Variants in ADGRL3 observed in about 807,000 individuals in gnomAD.
ADGRL3 encodes the protein calcium-independent alpha-latrotoxin receptor 3.
A neutral mutation model predicts 153.5 loss-of-function variants in ADGRL3; 62 were observed. The observed-to-expected ratio is 0.40, with a 90% confidence interval of 0.33 to 0.50. ADGRL3 has a LOEUF of 0.50. Ranked by LOEUF, ADGRL3 falls within the 20% of genes least tolerant of loss-of-function variation. The probability of loss-of-function intolerance (pLI) is 0.47; values close to 1 mark genes in which losing one functional copy is unlikely to be tolerated. For missense variants in ADGRL3, 1,641 were observed against 1,859.4 expected, an observed-to-expected ratio of 0.88 and a Z score of 2.16; for synonymous variants, 710 against 672.5, an observed-to-expected ratio of 1.06 and a Z score of -0.86.
At chr4:61,848,374 C>T (rs551783183) in intron 9 of ADGRL3, among the ~76,000 whole-genome samples, 13 of 151,448 alleles carry the variant, frequency 8.6e-5, no homozygotes, top group African/African-American at 2.9e-4. Context: ...TGTCTTGTAA[C>T]CCCAAGAAGT....
At chr4:61,324,070 A>G (rs2095418469) in intron 1 of ADGRL3, among the ~76,000 whole-genome samples, 1 of 151,912 alleles carries the variant, frequency 6.6e-6, no homozygotes, top group South Asian at 2.1e-4. Context: ...GTGCAGAGAA[A>G]CTCCAGTTTT....
intron 6 of ADGRL3, among the ~76,000 whole-genome samples, chr4:61,704,664 T>C (rs946453871): frequency 1.3e-5 from 2 of 152,224 alleles, no homozygotes; most frequent in African/African-American, 4.8e-5. Flanking sequence ...CTCTGTATCA[T>C]GACAGGCTTT....
At chr4:61,317,107 A>C (rs2095239598) in intron 1 of ADGRL3, among the ~76,000 whole-genome samples, 1 of 152,208 alleles carries the variant, frequency 6.6e-6, no homozygotes, top group Non-Finnish European at 1.5e-5. Flanking sequence ...AAACTTATGG[A>C]AATAAAAGCA....
At chr4:61,220,844 A>G (rs1322879049) in intron 1 of ADGRL3, among the ~76,000 whole-genome samples, 1 of 152,220 alleles carries the variant, frequency 6.6e-6, no homozygotes, top group Non-Finnish European at 1.5e-5. Context: ...TACTTACAGC[A>G]GCGTCAGATA....
intron 6 of ADGRL3, among the ~76,000 whole-genome samples, chr4:61,707,136 G>A (rs13114757): frequency 0.71 from 107,794 of 152,054 alleles, 39,338 homozygotes; most frequent in East Asian, 0.93. Context: ...GAACACAAGC[G>A]TTTATTAAGT....
chr4:61,291,995 T>C (rs552745158), intron 1 of ADGRL3, among the ~76,000 whole-genome samples: 1 of 151,002 alleles, frequency 6.6e-6, no homozygotes, highest in South Asian at 2.1e-4. Flanking sequence ...TAAAAAGTCA[T>C]GGCATTTTTA....
chr4:61,665,114 T>C (rs2094740026), intron 5 of ADGRL3, among the ~76,000 whole-genome samples: 2 of 152,178 alleles, frequency 1.3e-5, no homozygotes, highest in South Asian at 4.1e-4. Flanking sequence ...ATTCTTACTC[T>C]TTAAATGGCA....
At chr4:61,322,394 A>G (rs2095376550) in intron 1 of ADGRL3, among the ~76,000 whole-genome samples, 1 of 152,208 alleles carries the variant, frequency 6.6e-6, no homozygotes, top group Non-Finnish European at 1.5e-5. Context: ...TGCCTTTCCA[A>G]GAGTCACCTA....
intron 9 of ADGRL3, among the ~76,000 whole-genome samples, chr4:61,864,029 A>G (rs937744589): frequency 6.6e-6 from 1 of 152,210 alleles, no homozygotes; most frequent in Non-Finnish European, 1.5e-5. Flanking sequence ...TATATTTTAC[A>G]TGACAGTAGC....
Position 61,200,559 on chromosome 4 carries a change from C to T in ADGRL3, c.-1446C>T, listed in dbSNP as rs1219841524. On this transcript the variant is annotated 5_prime_UTR_variant, in exon 1 of 27. Coordinates refer to ENST00000683033, the MANE Select transcript of ADGRL3 (RefSeq NM_001387552.1). ...GTTTTTCTCGGACTGCTCGTTGCCT[C>T]CGCTCCGGCAGCTGCTGCCGCCGCC... Among the ~76,000 whole-genome samples the T allele has an allele frequency of 6.6e-6, 1 of 151,560 alleles. No individual in the cohort carries two copies. The highest frequency in any genetic ancestry group is 1.5e-5 in the Non-Finnish European group (1 of 67,878).
At chr4:61,369,850 A>T (rs925675682) in intron 1 of ADGRL3, among the ~76,000 whole-genome samples, 1 of 152,072 alleles carries the variant, frequency 6.6e-6, no homozygotes, top group Non-Finnish European at 1.5e-5. Context: ...CTGTGAATCC[A>T]TCTGGTCCTG....
intron 1 of ADGRL3, among the ~76,000 whole-genome samples, chr4:61,289,353 G>T (rs1422169761): frequency 6.6e-6 from 1 of 151,800 alleles, no homozygotes; most frequent in Non-Finnish European, 1.5e-5. Context: ...TTCTTACTTT[G>T]TATCTGATTA....
intron 6 of ADGRL3, among the ~76,000 whole-genome samples, chr4:61,714,171 A>C (rs1005400811): frequency 6.9e-6 from 1 of 144,086 alleles, no homozygotes; most frequent in Non-Finnish European, 1.5e-5. Flanking sequence ...CAAACAAAAA[A>C]AAAGTTCTTT....
intron 19 of ADGRL3, among the ~76,000 whole-genome samples, chr4:61,991,980 T>G (rs1312325150): frequency 1.3e-5 from 2 of 149,714 alleles, no homozygotes; most frequent in East Asian, 3.9e-4. Flanking sequence ...GTGGTCAGAA[T>G]GCACTTGTTT....
intron 8 of ADGRL3, among the ~76,000 whole-genome samples, chr4:61,798,210 G>A (rs1393610698): frequency 6.6e-6 from 1 of 152,116 alleles, no homozygotes; most frequent in African/African-American, 2.4e-5. Flanking sequence ...GGGGTAACGA[G>A]CAACAATTTC....
intron 4 of ADGRL3, among the ~76,000 whole-genome samples, chr4:61,541,593 G>T (rs544115619): frequency 8.3e-4 from 127 of 152,136 alleles, no homozygotes; most frequent in Non-Finnish European, 1.4e-3. Context: ...TGACCAGAAA[G>T]TTGCTACTAA....
intron 21 of ADGRL3, among the ~76,000 whole-genome samples, chr4:62,005,942 A>G (rs1477237242): frequency 7.0e-6 from 1 of 142,552 alleles, no homozygotes; most frequent in African/African-American, 2.6e-5. Flanking sequence ...TTTTATTTAT[A>G]TATATACATA....
chr4:61,903,077 G>A (rs1405105199), intron 11 of ADGRL3, among the ~76,000 whole-genome samples: 1 of 152,090 alleles, frequency 6.6e-6, no homozygotes, highest in Non-Finnish European at 1.5e-5. Flanking sequence ...ACAAACACAT[G>A]GATATGCAGG....
chr4:61,504,777 G>A (rs2098416475), intron 3 of ADGRL3, among the ~76,000 whole-genome samples: 1 of 151,598 alleles, frequency 6.6e-6, no homozygotes, highest in Non-Finnish European at 1.5e-5. Flanking sequence ...TCTATGTTTG[G>A]CTTAAGAATT....
Sources: allele counts gnomAD v4.1 joint callset (sites outside exome capture counted in the v4.1 genomes callset), GRCh38; gene constraint gnomAD v4.1.1; transcripts MANE v1.5; gene names NCBI Gene and HGNC (gene_info 2026-07-23, HGNC 2026-07-21).